The following TAS2R1 variants were observed in gnomAD, a reference collection of about 807,000 sequenced individuals.
TAS2R1 encodes the protein taste receptor type 2 member 1.
For synonymous variants in TAS2R1, 141 were observed against 134.2 expected (o/e 1.05, Z -0.35); for missense variants, 370 against 353.4 (o/e 1.05, Z -0.38).
chr5:9,896,659 T>G, the TAS2R1 span, among the ~76,000 whole-genome samples: 1 of 152,212 alleles, frequency 6.6e-6, no homozygotes. Context: ...AAACAAGGGC[T>G]AAAGAAATCA....
At chr5:9,665,205 G>A (rs1740607971) in intron 1 of TAS2R1, among the ~76,000 whole-genome samples, 1 of 152,208 alleles carries the variant, frequency 6.6e-6, no homozygotes, top group Non-Finnish European at 1.5e-5. Flanking sequence ...CTGTGAGCAA[G>A]CCATGACATA....
At chr5:9,752,785 G>A in the TAS2R1 span, among the ~76,000 whole-genome samples, 1 of 151,210 alleles carries the variant, frequency 6.6e-6, no homozygotes, top group African/African-American at 2.4e-5. Context: ...ACCTATGAGT[G>A]AGAACATGCG....
chr5:9,850,306 T>G, the TAS2R1 span, among the ~76,000 whole-genome samples: 36 of 152,230 alleles, frequency 2.4e-4, no homozygotes, highest in Admixed American at 1.8e-3. Flanking sequence ...CTAGGGTCCA[T>G]GTCAAATCCA....
At chr5:9,826,126 C>A in the TAS2R1 span, among the ~76,000 whole-genome samples, 1 of 151,990 alleles carries the variant, frequency 6.6e-6, no homozygotes. Flanking sequence ...CATTATAAGT[C>A]ATAGATTTAT....
chr5:9,718,018 G>A, the TAS2R1 span, among the ~76,000 whole-genome samples: 18,495 of 152,142 alleles, frequency 0.12, 1,322 homozygotes, highest in Admixed American at 0.24. Context: ...GGAGTGCAGT[G>A]GCTTGATCTC....
chr5:9,660,823 G>A (rs573394411), intron 1 of TAS2R1, among the ~76,000 whole-genome samples: 1 of 152,334 alleles, frequency 6.6e-6, no homozygotes, highest in African/African-American at 2.4e-5. Flanking sequence ...GCAGCATGAG[G>A]ATTCAGTGCA....
the TAS2R1 span, among the ~76,000 whole-genome samples, chr5:9,764,459 T>C: frequency 2.0e-5 from 3 of 152,208 alleles, no homozygotes; most frequent in African/African-American, 7.2e-5. Flanking sequence ...TAAATACCTA[T>C]AGAAACCAGC....
At chr5:9,850,321 C>G in the TAS2R1 span, among the ~76,000 whole-genome samples, 1 of 152,252 alleles carries the variant, frequency 6.6e-6, no homozygotes, top group Non-Finnish European at 1.5e-5. Context: ...AATCCATCTA[C>G]ATTATCCCAA....
chr5:9,890,209 GA>G, the TAS2R1 span, among the ~76,000 whole-genome samples: 3 of 152,282 alleles, frequency 2.0e-5, no homozygotes, highest in South Asian at 6.2e-4. Flanking sequence ...AAGGTAAAAA[GA>G]AACCAGAACC....
chr5:9,894,128 C>T, the TAS2R1 span, among the ~76,000 whole-genome samples: 7 of 152,130 alleles, frequency 4.6e-5, no homozygotes, highest in Non-Finnish European at 8.8e-5. Flanking sequence ...ATTGGCCAGA[C>T]GTGGTGGCTC....
At chr5:9,808,897 G>A in the TAS2R1 span, among the ~76,000 whole-genome samples, 1 of 152,124 alleles carries the variant, frequency 6.6e-6, no homozygotes, top group African/African-American at 2.4e-5. Context: ...ATCCTTGTGG[G>A]TGGGTCCCCA....
At chr5:9,635,812 T>C (rs1383708609) in intron 2 of TAS2R1, among the ~76,000 whole-genome samples, 6 of 152,114 alleles carry the variant, frequency 3.9e-5, no homozygotes. Flanking sequence ...ATTGAGACTA[T>C]TGGATCTTCT....
At chr5:9,644,981 C>T (rs1275357144) in intron 2 of TAS2R1, among the ~76,000 whole-genome samples, 3 of 152,016 alleles carry the variant, frequency 2.0e-5, no homozygotes, top group Admixed American at 6.6e-5. Context: ...TTTATTGGTG[C>T]TATATTTAAT....
the TAS2R1 span, among the ~76,000 whole-genome samples, chr5:9,900,261 T>A: frequency 1.3e-5 from 2 of 152,208 alleles, no homozygotes; most frequent in African/African-American, 4.8e-5. Context: ...ATGGTGATGA[T>A]TTGATTAGTT....
chr5:9,886,331 A>ATTT, the TAS2R1 span, among the ~76,000 whole-genome samples: 342 of 98,038 alleles, frequency 3.5e-3, 8 homozygotes, highest in East Asian at 9.9e-3. Flanking sequence ...TGCGCCCAGC[A>ATTT]TTTTTTTTTT....
At chr5:9,831,239 G>T in the TAS2R1 span, among the ~76,000 whole-genome samples, 2 of 152,046 alleles carry the variant, frequency 1.3e-5, no homozygotes, top group Admixed American at 6.6e-5. Context: ...CAGCAAATAC[G>T]TTTATTTCCA....
the TAS2R1 span, among the ~76,000 whole-genome samples, chr5:9,772,895 A>G: frequency 1.2e-4 from 18 of 152,126 alleles, no homozygotes; most frequent in Admixed American, 4.6e-4. Flanking sequence ...TTTATAGATG[A>G]AGTGTTTTCC....
the TAS2R1 span, among the ~76,000 whole-genome samples, chr5:9,896,510 C>T: frequency 1.4e-4 from 21 of 152,142 alleles, no homozygotes; most frequent in Non-Finnish European, 1.5e-5. Flanking sequence ...CTTGTCCTCC[C>T]TTCTCTAACC....
At chr5:9,885,027 G>A in the TAS2R1 span, among the ~76,000 whole-genome samples, 1 of 152,116 alleles carries the variant, frequency 6.6e-6, no homozygotes, top group Non-Finnish European at 1.5e-5. Flanking sequence ...ACTGTCTTAG[G>A]TGCTATACAT....
Sources: gnomAD v4.1 joint callset for allele counts (sites outside exome capture counted in the v4.1 genomes callset) on GRCh38, gnomAD v4.1.1 for gene constraint, MANE v1.5 for transcripts, NCBI Gene and HGNC (gene_info 2026-07-23, HGNC 2026-07-21) for gene names.